SH3TC2: variants seen among roughly 807,000 people sequenced by gnomAD.
SH3TC2 encodes SH3 domain and tetratricopeptide repeats 2, also known as SH3 domain and tetratricopeptide repeat-containing protein 2.
In SH3TC2, 87 loss-of-function variants were observed where a neutral mutation model predicts 124.5. The ratio of observed to expected loss-of-function variants is 0.70; its 90% CI spans 0.59 to 0.84. The LOEUF is 0.84. Ranked by LOEUF, SH3TC2 falls within the 40% of genes least tolerant of loss-of-function variation. The probability of loss-of-function intolerance (pLI) is 0.00; values close to 1 mark genes in which losing one functional copy is unlikely to be tolerated. For synonymous variants in SH3TC2, 634 were observed against 628.5 expected (o/e 1.01, Z -0.13); for missense variants, 1,536 against 1,566.4 (o/e 0.98, Z 0.33).
Position 149,003,849 on chromosome 5 carries a change from C to CAGA in SH3TC2, c.*861_*862insTCT. 1 of 169,090 alleles carries CAGA rather than the reference C, an allele frequency of 5.9e-6. No individual in the cohort carries two copies. 10.5% of individuals were successfully genotyped at this position (169,090 alleles called of 1,614,324 possible). On this transcript the variant is annotated 3_prime_UTR_variant, in exon 17 of 17. Coordinates refer to ENST00000515425, the MANE Select transcript of SH3TC2 (RefSeq NM_024577.4). ...CTGGGCAACAGAGGAGAAACTGTCT[C>CAGA]AAAAAAAAAAAAAAAAAAAAAAGAC...
intron 1 of SH3TC2, 114 bp downstream of exon 1, chr5:149,062,857 A>T (rs1045591133): frequency 9.8e-7 from 1 of 1,021,150 alleles, no homozygotes; most frequent in Admixed American, 2.0e-5. Context: ...CAGAAAGCAC[A>T]ATCATCTCCC....
chr5:149,014,971 T>A (rs891068340), intron 12 of SH3TC2, among the ~76,000 whole-genome samples: 5 of 152,226 alleles, frequency 3.3e-5, no homozygotes, highest in Non-Finnish European at 4.4e-5. Flanking sequence ...TGGGATGCCC[T>A]TGGGCTACTA....
chr5:149,047,778 C>T, intron 3 of SH3TC2, 84 bp downstream of exon 3: 2 of 1,576,536 alleles, frequency 1.3e-6, no homozygotes, highest in Non-Finnish European at 8.7e-7. Context: ...TACTTTGTTC[C>T]AGATGCTGTC....
intron 1 of SH3TC2, among the ~76,000 whole-genome samples, chr5:149,059,004 A>C (rs1377362603): frequency 6.6e-6 from 1 of 152,146 alleles, no homozygotes; most frequent in Non-Finnish European, 1.5e-5. Context: ...GGCCCTGGCA[A>C]TGAGAAGTGA....
At position 149,042,814 on chromosome 5, in the gene SH3TC2, G is replaced by A. The variant is rs748252287; in HGVS notation, c.409C>T (p.His137Tyr). The A allele has an allele frequency of 6.8e-6, 11 of 1,614,140 alleles. No homozygotes were observed. Among genetic ancestry groups the A allele is most frequent in the Admixed American group, 1.7e-5 (1 of 60,020 alleles). ...NLGYVSMCLEHLLFDHKYWLN... is the reference protein window; with the variant it reads ...NLGYVSMCLEYLLFDHKYWLN... ...CAGTACTTGTGGTCAAAGAGGAGAT[G>A]TTCTAGACACATGGATACGTAGCCT... is the stretch of plus-strand genomic sequence containing the variant. Residue 137 changes from histidine to tyrosine, a missense_variant, in exon 5 of 17, where the codon CAT (histidine) becomes TAT (tyrosine). Physicochemically the swap from His to Tyr is moderately conservative, Grantham distance 83. Transcript: ENST00000515425.
At chr5:149,007,279 C>G (rs1382045945) in intron 15 of SH3TC2, 2 of 656,572 alleles carry the variant, frequency 3.0e-6, no homozygotes, top group Non-Finnish European at 5.5e-6. Flanking sequence ...ATCCCACAAA[C>G]AAATGTAACA....
At position 149,026,620 on chromosome 5, in the gene SH3TC2, C is replaced by T. The variant is rs1320375505; in HGVS notation, c.3005G>A (p.Arg1002Lys). ...AAGCTGCCCCAGGGACTCCAGCAGC[C>T]TCCCTTCCATCTCCCGGTCCCTGAG... ...QQLRDREMEG[R>K]LLESLGQLYR... is the part of the protein sequence containing the mutation. Residue 1002 changes from arginine to lysine, a missense_variant, in exon 12 of 17, where the codon AGG (arginine) becomes AAG (lysine). By Grantham distance (26) the Arg-to-Lys change is conservative. Transcript: ENST00000515425. 6.2e-7 allele frequency: 1 copy of T among 1,614,216 alleles called. No homozygotes were observed. The highest frequency in any genetic ancestry group is 1.1e-5 in the South Asian group (1 of 91,086).
In SH3TC2 at chr5:149,004,787, G is replaced by A; in HGVS notation, c.3791C>T (p.Pro1264Leu). 1 of 1,614,094 alleles carries A rather than the reference G, an allele frequency of 6.2e-7. No homozygotes were observed. Among genetic ancestry groups the A allele is most frequent in the South Asian group, 1.1e-5 (1 of 91,084 alleles). ...RSRLDNICQS[P>L]LWHSRPSGCS... is the part of the protein sequence containing the mutation. ...CCCGGAGGGCCTGCTGTGCCACAGG[G>A]GGCTCTGGCAGATGTTGTCCAGCCT... The change falls in exon 17 of 17, where the codon CCC (proline) becomes CTC (leucine). Residue 1264 changes from proline (P) to leucine (L), a missense_variant. Transcript: ENST00000515425.
In SH3TC2 at chr5:149,004,628, C is replaced by T; in HGVS notation, c.*83G>A. ...GGGCTAGGCCAGGTAAGGACTCGGA[C>T]CCTCCCAATGAGTATTTAAGAGCCT... On this transcript the variant is annotated 3_prime_UTR_variant, in exon 17 of 17. Coordinates refer to ENST00000515425, the MANE Select transcript of SH3TC2 (RefSeq NM_024577.4). 1 of 1,477,186 alleles carries T rather than the reference C, an allele frequency of 6.8e-7. No individual in the cohort carries two copies. Among genetic ancestry groups the T allele is most frequent in the Non-Finnish European group, 9.2e-7 (1 of 1,084,234 alleles). The allele number at this position is 1,477,186 out of a possible 1,614,324, so 91.5% of individuals were successfully genotyped here.
intron 1 of SH3TC2, among the ~76,000 whole-genome samples, chr5:149,056,571 T>A (rs1348909738): frequency 6.6e-6 from 1 of 152,078 alleles, no homozygotes; most frequent in Non-Finnish European, 1.5e-5. Flanking sequence ...TATCTAGGAG[T>A]AGAGTTCTGA....
chr5:149,042,487 A>G (rs867137796), intron 5 of SH3TC2, among the ~76,000 whole-genome samples: 1 of 152,206 alleles, frequency 6.6e-6, no homozygotes, highest in Non-Finnish European at 1.5e-5. Flanking sequence ...TCTAACATCA[A>G]TCAGTGAGAC....
At position 148,995,478 on chromosome 5, in the gene SH3TC2, A is replaced by T. The variant is rs886060148; in HGVS notation, c.*9233T>A. ...CTGTTTGAAAATTAAGAAAAGACCT[A>T]CCACAGCTATAGCAACTTATTCTAA... On this transcript the variant is annotated 3_prime_UTR_variant, in exon 17 of 17. Coordinates refer to ENST00000515425, the MANE Select transcript of SH3TC2 (RefSeq NM_024577.4). Among the ~76,000 whole-genome samples, 4 of 152,192 alleles carry T rather than the reference A, an allele frequency of 2.6e-5. No individual in the cohort carries two copies. In the East Asian group the frequency reaches 7.7e-4, roughly 29 times the overall value.
chr5:149,027,021 C>T lies in SH3TC2; in HGVS notation c.2711G>A (p.Arg904Gln), dbSNP rs773922490. The T allele has an allele frequency of 9.9e-6, 16 of 1,614,022 alleles. No homozygotes were observed. In the South Asian group the frequency reaches 1.3e-4, roughly 13 times the overall value. The stretch of plus-strand genomic sequence containing the variant: ...ACTGGCCTGAAGTTCACAATAGAGT[C>T]GTACAGCCTGCAGGAGATAGTTTCT... The part of the protein sequence containing the change: ...PARNYLLQAV[R>Q]LYCELQASKE... The change falls in exon 11 of 17, where the codon CGA becomes CAA. Residue 904 changes from arginine (R) to glutamine (Q), a missense_variant. Coordinates refer to ENST00000515425, the MANE Select transcript of SH3TC2 (RefSeq NM_024577.4).
At chr5:149,015,714 T>C (rs369224090) in intron 12 of SH3TC2, among the ~76,000 whole-genome samples, 26 of 152,310 alleles carry the variant, frequency 1.7e-4, no homozygotes, top group Middle Eastern at 3.4e-3. Context: ...AGACTTCCTC[T>C]TACCACCCGC....
In SH3TC2 at chr5:148,982,419, C is replaced by T. The variant is rs894023598; in HGVS notation, c.*22292G>A. 1.3e-5 allele frequency among the ~76,000 whole-genome samples: 2 copies of T among 152,198 alleles called. No individual in the cohort carries two copies. The highest frequency in any genetic ancestry group is 6.5e-5 in the Admixed American group (1 of 15,284). ...TTTCCTACATATATAATCACAATCA[C>T]ATGAAATGACATGTGTATAAAGTTA... is the stretch of plus-strand genomic sequence containing the variant. On this transcript the variant is annotated 3_prime_UTR_variant, in exon 17 of 17. Transcript: ENST00000515425.
At chr5:149,029,815 T>C (rs1754152332) in intron 9 of SH3TC2, among the ~76,000 whole-genome samples, 1 of 152,112 alleles carries the variant, frequency 6.6e-6, no homozygotes, top group African/African-American at 2.4e-5. Context: ...ACAGTGGAAC[T>C]GTGGAGGTGA....
At chr5:149,031,847 T>C (rs1331884470) in intron 8 of SH3TC2, among the ~76,000 whole-genome samples, 160 bp from the exon 9 acceptor site, 1 of 152,156 alleles carries the variant, frequency 6.6e-6, no homozygotes. Flanking sequence ...GCATACTGTA[T>C]TTATACTGCC....
At chr5:149,053,924 T>A (rs1754600061) in intron 1 of SH3TC2, among the ~76,000 whole-genome samples, 1 of 152,178 alleles carries the variant, frequency 6.6e-6, no homozygotes, top group South Asian at 2.1e-4. Context: ...GAAGTAGGGA[T>A]GTTAATGGGT....
chr5:149,041,737 G>C, intron 5 of SH3TC2, 120 bp from the exon 6 acceptor site: 1 of 1,098,518 alleles, frequency 9.1e-7, no homozygotes. Flanking sequence ...AAGTAAAGTA[G>C]ACGTTTCACA....
Sources: allele counts gnomAD v4.1 joint callset (sites outside exome capture counted in the v4.1 genomes callset), GRCh38; gene constraint gnomAD v4.1.1; transcripts MANE v1.5; gene names NCBI Gene and HGNC (gene_info 2026-07-23, HGNC 2026-07-21).